Variants in ERCC5 observed in about 807,000 individuals in gnomAD.
The protein encoded by ERCC5 is DNA excision repair protein ERCC-5.
A neutral mutation model predicts 105.6 loss-of-function variants in ERCC5; 68 were observed. That is an observed-to-expected ratio of 0.64 (90% CI 0.53 to 0.79). The LOEUF is 0.79. Ranked by LOEUF, ERCC5 falls within the 30% of genes least tolerant of loss-of-function variation. ERCC5 has a pLI of 0.00. For synonymous variants in ERCC5, 546 were observed against 526.2 expected (o/e 1.04, Z -0.51); for missense variants, 1,373 against 1,426.7 (o/e 0.96, Z 0.61).
rs1882858821 is a variant in ERCC5 at position 102,866,803 on chromosome 13, T to G, written c.2491T>G (p.Phe831Val). 1.2e-6 allele frequency: 2 copies of G among 1,613,664 alleles called. No individual in the cohort carries two copies. Among genetic ancestry groups the G allele is most frequent in the Admixed American group, 1.7e-5 (1 of 59,990 alleles). Residue 831 changes from phenylalanine (F) to valine (V), a missense_variant, in exon 11 of 15, where the codon TTT (phenylalanine) becomes GTT (valine). Physicochemically the swap from Phe to Val is conservative, Grantham distance 50 (BLOSUM62 -1). Around this residue, in one of 3 missense-constraint regions of ERCC5, gnomAD observed 1,004 missense variants for 1,059.7 expected, o/e 0.95. Coordinates refer to ENST00000652225, the MANE Select transcript of ERCC5 (RefSeq NM_000123.4). ...VYRNFFNKNKFVEYYQYVDFH... is the reference protein window; with the variant it reads ...VYRNFFNKNKVVEYYQYVDFH... ...TAGAAACTTTTTTAATAAAAACAAG[T>G]TTGTAGAATATTATCAATATGTGGA...
intron 3 of ERCC5, 156 bp downstream of exon 3, chr13:102,854,028 T>G: frequency 1.3e-6 from 1 of 793,496 alleles, no homozygotes; most frequent in Non-Finnish European, 2.1e-6. Context: ...ACCTGGTAAT[T>G]TGGAGTTGTG....
intron 1 of ERCC5, among the ~76,000 whole-genome samples, chr13:102,848,496 C>G (rs770493375): frequency 1.3e-5 from 2 of 152,134 alleles, no homozygotes; most frequent in Admixed American, 1.3e-4. Flanking sequence ...TTGTAATATG[C>G]GTTTAAGTGT....
Position 102,855,962 on chromosome 13 carries a change from C to T in ERCC5, c.468-90C>T, listed in dbSNP as rs558448049. On this transcript the variant is annotated intron_variant, in intron 4 of 14. Coordinates refer to ENST00000652225, the MANE Select transcript of ERCC5 (RefSeq NM_000123.4). Reference sequence around the variant, plus strand: ...CTTGCTGTTTTATTCACCACTGTAGCCCGTATAACGAGCAGAGCCTTGCAT... The same window carrying T: ...CTTGCTGTTTTATTCACCACTGTAGTCCGTATAACGAGCAGAGCCTTGCAT... 1,733 of 1,295,074 alleles carry T rather than the reference C, an allele frequency of 1.3e-3. 4 individuals are homozygous for T. Among genetic ancestry groups the T allele is most frequent in the South Asian group, 5.4e-3 (456 of 83,758 alleles). 80.2% of individuals were successfully genotyped at this position (1,295,074 alleles called of 1,614,324 possible). A position where few individuals can be genotyped will look rare whatever the true frequency, so the allele number is the denominator to read the frequency against.
chr13:102,871,163 G>A (rs1883017307), intron 12 of ERCC5, among the ~76,000 whole-genome samples: 1 of 152,182 alleles, frequency 6.6e-6, no homozygotes. Context: ...TCGGGGCCTG[G>A]GTGGACACTT....
chr13:102,874,671 GC>G (rs1883141752), intron 14 of ERCC5: 1 of 152,256 alleles, frequency 6.6e-6, no homozygotes, highest in South Asian at 2.1e-4. Flanking sequence ...ACAGGCGCCC[GC>G]CACCACGCCT....
At chr13:102,856,004 G>A (rs1882402557) in intron 4 of ERCC5, 48 bp from the exon 5 acceptor site, 1 of 1,586,526 alleles carries the variant, frequency 6.3e-7, no homozygotes, top group South Asian at 1.1e-5. Context: ...ATTTTTGTAA[G>A]GGGTCCTTAA....
Position 102,862,947 on chromosome 13 carries a change from G to A in ERCC5, c.1798G>A (p.Val600Met), listed in dbSNP as rs1199408635. 1.9e-6 allele frequency: 3 copies of A among 1,614,102 alleles called. No individual in the cohort carries two copies. Among genetic ancestry groups the A allele is most frequent in the East Asian group, 4.5e-5 (2 of 44,904 alleles). The change falls in exon 8 of 15, where the codon GTG becomes ATG. Residue 600 changes from valine to methionine, a missense_variant. By Grantham distance (21) the Val-to-Met change is conservative. This residue lies in a region of ERCC5 where 1,004 missense variants were observed against 1,059.7 expected (regional missense o/e 0.95). Transcript: ENST00000652225. Reference sequence around the variant, plus strand: ...TGTCCCTTCAGAGGCAGTAGATAATGTGGAAAATGTGGTGTCATTTAATGC... The same window carrying A: ...TGTCCCTTCAGAGGCAGTAGATAATATGGAAAATGTGGTGTCATTTAATGC... ...VSVPSEAVDN[V>M]ENVVSFNAKE...
intron 3 of ERCC5, 84 bp downstream of exon 3, chr13:102,853,956 A>T: frequency 7.4e-7 from 1 of 1,351,940 alleles, no homozygotes; most frequent in Non-Finnish European, 1.0e-6. Context: ...CTCTTTCCCT[A>T]TCTAATTTTG....
intron 6 of ERCC5, chr13:102,859,066 G>A: frequency 2.9e-6 from 1 of 347,412 alleles, no homozygotes; most frequent in South Asian, 2.2e-5. Flanking sequence ...GTGCAGTTGG[G>A]TGCTAGCAAA....
rs185522295 is a variant in ERCC5 at position 102,854,265 on chromosome 13, T to C, written c.381-23T>C. ...CCTGAGCAGGGTCTGCATAATCTGT[T>C]TAAAGATTTGTGTACTTTCCAGAGA... is the stretch of plus-strand genomic sequence containing the variant. On this transcript the variant is annotated intron_variant, in intron 3 of 14. Coordinates refer to ENST00000652225, the MANE Select transcript of ERCC5 (RefSeq NM_000123.4). 389 of 1,613,654 alleles carry C rather than the reference T, an allele frequency of 2.4e-4. 2 individuals carry two copies. Among genetic ancestry groups the C allele is most frequent in the Non-Finnish European group, 2.5e-5 (30 of 1,179,550 alleles).
In ERCC5 at chr13:102,873,246, T is replaced by C. The variant is rs773911813; in HGVS notation, c.2880-13T>C. The C allele has an allele frequency of 6.2e-7, 1 of 1,614,104 alleles. No homozygotes were observed. Among genetic ancestry groups the C allele is most frequent in the Admixed American group, 1.7e-5 (1 of 60,028 alleles). The stretch of plus-strand genomic sequence containing the variant: ...TATCTTTCAAAATATTTATAAGTCT[T>C]AACTGCATGCATATTTTGTCAGCGG... On this transcript the variant is annotated splice_polypyrimidine_tract_variant and intron_variant, in intron 13 of 14. Transcript: ENST00000652225.
intron 12 of ERCC5, among the ~76,000 whole-genome samples, chr13:102,871,296 C>T (rs1883025548): frequency 6.6e-6 from 1 of 152,210 alleles, no homozygotes; most frequent in South Asian, 2.1e-4. Flanking sequence ...CATGGCCGCC[C>T]TGCTCAAGAG....
intron 4 of ERCC5, among the ~76,000 whole-genome samples, chr13:102,854,628 C>A (rs1195819090): frequency 1.3e-5 from 2 of 152,184 alleles, no homozygotes; most frequent in Non-Finnish European, 2.9e-5. Context: ...ATTCTAAATT[C>A]TCCAAGGCAT....
At position 102,846,307 on chromosome 13, in the gene ERCC5, G is replaced by C; in HGVS notation, c.41G>C (p.Gly14Ala). 1.2e-6 allele frequency: 2 copies of C among 1,614,070 alleles called. No individual in the cohort carries two copies. Among genetic ancestry groups the C allele is most frequent in the Non-Finnish European group, 1.7e-6 (2 of 1,180,010 alleles). ...QGLWKLLECS[G>A]RQVSPEALEG... ...CTCTGGAAGCTGCTGGAGTGCTCCG[G>C]GCGGCAGGTCAGCCCCGAAGCGCTG... is the stretch of plus-strand genomic sequence containing the variant. The change falls in exon 1 of 15, where the codon GGG (glycine) becomes GCG (alanine). Residue 14 changes from glycine (G) to alanine (A), a missense_variant. By Grantham distance (60) the Gly-to-Ala change is moderately conservative. Transcript: ENST00000652225.
rs1882330242 is a variant in ERCC5 at position 102,854,490 on chromosome 13, A to T, written c.467+116A>T. On this transcript the variant is annotated intron_variant, in intron 4 of 14. Transcript: ENST00000652225. ...TGTGAACATTTCTTAATGCATCTGA[A>T]ATAGGCATGCTCTATACCTTTCAGA... 4 of 999,264 alleles carry T rather than the reference A, an allele frequency of 4.0e-6. No individual in the cohort carries two copies. In the African/African-American group the frequency reaches 6.5e-5, roughly 16 times the overall value. The allele number at this position is 999,264 out of a possible 1,614,324, so 61.9% of individuals were successfully genotyped here.
rs777336956 is a variant in ERCC5, at chr13:102,866,330, G to C, written c.2268G>C (p.Gln756His). The change falls in exon 10 of 15, where the codon CAG becomes CAC. Residue 756 changes from glutamine (Q) to histidine (H), a missense_variant. Transcript: ENST00000652225. ...QQNSLKAQKQ[Q>H]QERIAATVTG... ...ATTCACTGAAAGCTCAAAAACAGCA[G>C]CAAGAACGGATCGCTGCTACTGTCA... 13 of 1,614,110 alleles carry C rather than the reference G, an allele frequency of 8.1e-6. No homozygotes were observed. Among genetic ancestry groups the C allele is most frequent in the Non-Finnish European group, 1.1e-5 (13 of 1,180,042 alleles).
chr13:102,872,259 G>A lies in ERCC5; in HGVS notation c.2740G>A (p.Val914Met). ...AAGACCTAATCCTCATGACACCAAA[G>A]TGAAAAAAAAATTACGGACATTGCA... ...KIRPNPHDTK[V>M]KKKLRTLQLT... Residue 914 changes from valine (V) to methionine (M), a missense_variant, in exon 13 of 15, where the codon GTG (valine) becomes ATG (methionine). Transcript: ENST00000652225. The A allele has an allele frequency of 6.2e-7, 1 of 1,613,944 alleles. No individual in the cohort carries two copies. The highest frequency in any genetic ancestry group is 8.5e-7 in the Non-Finnish European group (1 of 1,179,968).
In ERCC5 at chr13:102,852,235, G is replaced by A. The variant is rs747957305; in HGVS notation, c.206G>A (p.Arg69Gln). The change falls in exon 2 of 15, where the codon CGA (arginine) becomes CAA (glutamine). Residue 69 changes from arginine (R) to glutamine (Q), a missense_variant. Arg to Gln is a conservative substitution (Grantham distance 43, BLOSUM62 1). Coordinates refer to ENST00000652225, the MANE Select transcript of ERCC5 (RefSeq NM_000123.4). ...CGGCTCTGCAAACTCTTATTTTTTC[G>A]AATTCGTCCTATTTTTGTGTTTGAT... ...FHRLCKLLFF[R>Q]IRPIFVFDGD... The A allele has an allele frequency of 8.7e-6, 14 of 1,613,686 alleles. No individual in the cohort carries two copies. Among genetic ancestry groups the A allele is most frequent in the Middle Eastern group, 1.6e-4 (1 of 6,082 alleles).
At chr13:102,864,598 TTTTC>T (rs374759250) in intron 8 of ERCC5, 71 of 152,316 alleles carry the variant, frequency 4.7e-4, no homozygotes, top group African/African-American at 1.6e-3. Context: ...TATTTTGAGC[TTTTC>T]CTTGCTTTCT....
Sources: gnomAD v4.1 joint callset for allele counts (sites outside exome capture counted in the v4.1 genomes callset) on GRCh38, gnomAD v4.1.1 for gene constraint, gnomAD v4.1.1 regional missense constraint, MANE v1.5 for transcripts, NCBI Gene and HGNC (gene_info 2026-07-23, HGNC 2026-07-21) for gene names.